ZBED6: variants seen among roughly 807,000 people sequenced by gnomAD.
ZBED6 encodes the protein zinc finger BED-type containing 6.
A neutral mutation model predicts 58.4 loss-of-function variants in ZBED6; 40 were observed. The ratio of observed to expected loss-of-function variants is 0.68; its 90% CI spans 0.53 to 0.89. The LOEUF is 0.89. Ranked by LOEUF, ZBED6 falls within the 40% of genes least tolerant of loss-of-function variation. ZBED6 has a pLI of 0.00. For synonymous variants in ZBED6, 439 were observed against 350.6 expected (o/e 1.25, Z -2.82); for missense variants, 1,057 against 1,003.9 (o/e 1.05, Z -0.71).
chr1:203,847,576 C>A, exon 12 of ZBED6: 4 of 1,613,830 alleles, frequency 2.5e-6, no homozygotes, highest in Non-Finnish European at 3.4e-6. Flanking sequence ...AGAAATTAAA[C>A]TGGAGAAGGC....
At chr1:203,850,983 C>T in intron 15 of ZBED6, 74 bp from the exon 16 acceptor site, 2 of 1,511,570 alleles carry the variant, frequency 1.3e-6, no homozygotes, top group Admixed American at 1.8e-5. Context: ...TCTAAGAAGG[C>T]AGCAAAAGAA....
At chr1:203,818,594 T>C in exon 3 of ZBED6, 1 of 1,614,132 alleles carries the variant, frequency 6.2e-7, no homozygotes, top group South Asian at 1.1e-5. Flanking sequence ...ATTCCGTCAC[T>C]GTGAAGCTGC....
intron 1 of ZBED6, chr1:203,806,322 G>T (rs957195921): frequency 4.3e-6 from 1 of 233,810 alleles, no homozygotes; most frequent in African/African-American, 2.4e-5. Context: ...TTTTTTTTGA[G>T]ACGGAGTCTC....
chr1:203,814,243 C>G (rs139413988), intron 1 of ZBED6, among the ~76,000 whole-genome samples: 1 of 152,176 alleles, frequency 6.6e-6, no homozygotes, highest in Non-Finnish European at 1.5e-5. Context: ...ATAACCTTTC[C>G]GGCCAGGCGC....
chr1:203,846,383 C>T (rs1051298392), intron 11 of ZBED6, among the ~76,000 whole-genome samples: 10 of 152,078 alleles, frequency 6.6e-5, no homozygotes, highest in African/African-American at 2.4e-4. Context: ...AGTGGCATGC[C>T]AATTTCTGGG....
At chr1:203,818,146 G>A (rs11576057) in intron 2 of ZBED6, among the ~76,000 whole-genome samples, 27,370 of 151,986 alleles carry the variant, frequency 0.18, 2,759 homozygotes, top group Middle Eastern at 0.28. Flanking sequence ...AGATATTACC[G>A]TTGCATAAAG....
chr1:203,838,764 A>G (rs1685145803), intron 10 of ZBED6, among the ~76,000 whole-genome samples: 1 of 152,140 alleles, frequency 6.6e-6, no homozygotes, highest in South Asian at 2.1e-4. Flanking sequence ...CAGTCTGGCC[A>G]ACATGGCAAA....
chr1:203,832,798 T>G (rs796705884), intron 8 of ZBED6, among the ~76,000 whole-genome samples: 20 of 152,352 alleles, frequency 1.3e-4, no homozygotes, highest in African/African-American at 4.6e-4. Context: ...TGATCAGAGA[T>G]AGTTATATTG....
intron 4 of ZBED6, 74 bp from the exon 5 acceptor site, chr1:203,829,377 A>G: frequency 6.9e-7 from 1 of 1,452,232 alleles, no homozygotes. Flanking sequence ...TAGTTTTCAT[A>G]GGTGGTCAGG....
chr1:203,811,144 A>C (rs1477428727), intron 1 of ZBED6, among the ~76,000 whole-genome samples: 1 of 92,836 alleles, frequency 1.1e-5, no homozygotes, highest in Non-Finnish European at 2.2e-5. Flanking sequence ...ACTCTGTCAC[A>C]AAAAAAAAAA....
chr1:203,835,932 GT>G (rs1362925800), intron 9 of ZBED6: 3 of 194,590 alleles, frequency 1.5e-5, no homozygotes, highest in African/African-American at 7.1e-5. Context: ...AAGAAGTCCT[GT>G]TCCCAGGAGG....
chr1:203,816,182 TGA>T (rs1676313083), intron 1 of ZBED6, among the ~76,000 whole-genome samples: 1 of 152,236 alleles, frequency 6.6e-6, no homozygotes, highest in Non-Finnish European at 1.5e-5. Flanking sequence ...TTCATTTAGA[TGA>T]AACATTCTAC....
rs1414143516 is a variant in ZBED6 at position 203,842,407 on chromosome 1, GC to G, written c.*3741+2035del. ...CGGTCAGGAGCTGGAGACCAGCCCG[GC>G]CAACACGGCGAAACCCCGTCTCCAC... On this transcript the variant is annotated intron_variant, in intron 11 of 16. Coordinates refer to ENST00000550078, the Ensembl canonical transcript of ZBED6. Among the ~76,000 whole-genome samples, 12 of 152,302 alleles carry G rather than the reference GC, an allele frequency of 7.9e-5. No homozygotes were observed. In the East Asian group the frequency reaches 2.3e-3, roughly 29 times the overall value.
At chr1:203,805,603 T>C (rs1422825793) in intron 1 of ZBED6, 2 of 640,476 alleles carry the variant, frequency 3.1e-6, no homozygotes, top group Non-Finnish European at 6.1e-6. Flanking sequence ...TTACATGATG[T>C]ACTTAAATGC....
chr1:203,805,252 G>T (rs1671917649), intron 1 of ZBED6, among the ~76,000 whole-genome samples: 1 of 149,754 alleles, frequency 6.7e-6, no homozygotes, highest in Non-Finnish European at 1.5e-5. Context: ...TCCTGCTTCA[G>T]TCTCCCGAGA....
At chr1:203,798,395 T>C in exon 1 of ZBED6, 1 of 1,534,744 alleles carries the variant, frequency 6.5e-7, no homozygotes, top group Non-Finnish European at 8.7e-7. Flanking sequence ...GTAAAAGAAG[T>C]GTGAGCCGGG....
At chr1:203,831,740 G>A (rs781074284) in exon 8 of ZBED6, 2 of 1,612,730 alleles carry the variant, frequency 1.2e-6, no homozygotes, top group Admixed American at 3.3e-5. Flanking sequence ...TCAGGACTGT[G>A]GTGAGGACAG....
intron 3 of ZBED6, among the ~76,000 whole-genome samples, chr1:203,827,954 C>T (rs1681100113): frequency 6.6e-6 from 1 of 152,178 alleles, no homozygotes; most frequent in Non-Finnish European, 1.5e-5. Context: ...CCAAGGCCAC[C>T]TGGCCAATAA....
chr1:203,849,977 A>G (rs758830497), exon 14 of ZBED6: 2 of 1,614,074 alleles, frequency 1.2e-6, no homozygotes, highest in Admixed American at 3.3e-5. Context: ...TTGGAGACTC[A>G]TTATTGAATG....
Sources: allele counts gnomAD v4.1 joint callset (sites outside exome capture counted in the v4.1 genomes callset), GRCh38; gene constraint gnomAD v4.1.1; transcripts MANE v1.5; gene names NCBI Gene and HGNC (gene_info 2026-07-23, HGNC 2026-07-21).